The following TRIM2 variants were observed in gnomAD, a reference collection of about 807,000 sequenced individuals.
TRIM2 encodes the protein tripartite motif-containing protein 2.
A neutral mutation model predicts 75.2 loss-of-function variants in TRIM2; 20 were observed. The ratio of observed to expected loss-of-function variants is 0.27; its 90% CI spans 0.19 to 0.39. The LOEUF is 0.39. Ranked by LOEUF, TRIM2 falls within the 10% of genes least tolerant of loss-of-function variation. The pLI, the probability that TRIM2 is intolerant of heterozygous loss-of-function variation, is 1.00. For missense variants in TRIM2, 660 were observed against 990.8 expected (o/e 0.67, Z 4.48); for synonymous variants, 373 against 388.3 (o/e 0.96, Z 0.46).
chr4:153,206,627 G>A (rs574532793), intron 1 of TRIM2, among the ~76,000 whole-genome samples: 51 of 152,194 alleles, frequency 3.4e-4, no homozygotes, highest in African/African-American at 1.2e-3. Flanking sequence ...ACAAAGGCAT[G>A]ATTGATCAAA....
At chr4:153,152,234 A>G (rs1728795377), upstream of TRIM2, 2 of 152,006 alleles carry the variant, frequency 1.3e-5, no homozygotes, top group African/African-American at 4.8e-5. Flanking sequence ...GTCTGGAGGG[A>G]GAACAGGCTC....
intron 1 of TRIM2, among the ~76,000 whole-genome samples, chr4:153,235,373 C>T (rs1044656553): frequency 2.6e-5 from 4 of 152,036 alleles, no homozygotes; most frequent in African/African-American, 9.7e-5. Flanking sequence ...CAGCCTTGAC[C>T]TCCCGAGCTC....
At chr4:153,315,704 T>C (rs781571092) in intron 7 of TRIM2, 116 bp downstream of exon 7, 52 of 1,451,298 alleles carry the variant, frequency 3.6e-5, no homozygotes, top group Non-Finnish European at 4.5e-5. Context: ...CTTATGTTTA[T>C]GTAGACTTTT....
chr4:153,302,071 G>A lies in TRIM2; in HGVS notation c.1510+6035G>A, dbSNP rs76314572. ...CATTTTAGATCACTTGGGGGTATGG[G>A]CATTTTATTAATATTCTTCCAATCT... On this transcript the variant is annotated intron_variant, in intron 6 of 11. Transcript: ENST00000338700. Among the ~76,000 whole-genome samples the A allele has an allele frequency of 5.2e-3, 788 of 152,132 alleles. 11 individuals are homozygous for A. The highest frequency in any genetic ancestry group is 0.018 in the African/African-American group (753 of 41,500).
chr4:153,158,659 T>C (rs1407554715), intron 1 of TRIM2, among the ~76,000 whole-genome samples: 4 of 151,372 alleles, frequency 2.6e-5, no homozygotes, highest in Non-Finnish European at 1.5e-5. Flanking sequence ...TCAGGTGGAG[T>C]GCTAGACTGG....
chr4:153,338,372 G>A lies in TRIM2; in HGVS notation c.*3406G>A, dbSNP rs1396060845. 1 of 985,636 alleles carries A rather than the reference G, an allele frequency of 1.0e-6. No individual in the cohort carries two copies. Among genetic ancestry groups the A allele is most frequent in the Non-Finnish European group, 1.2e-6 (1 of 829,914 alleles). The allele number at this position is 985,636 out of a possible 1,614,324, so 61.1% of individuals were successfully genotyped here. A position where few individuals can be genotyped will look rare whatever the true frequency, so the allele number is the denominator to read the frequency against. ...CTCTATTCACTAGCTTCTGAAAAGG[G>A]AGGAGTATTTTTAGTTTGACAATTT... On this transcript the variant is annotated 3_prime_UTR_variant, in exon 12 of 12. Coordinates refer to ENST00000338700, the MANE Select transcript of TRIM2 (RefSeq NM_015271.5).
rs146300875 is a variant in TRIM2, at chr4:153,208,010, C to T, written c.30+3450C>T. On this transcript the variant is annotated intron_variant, in intron 1 of 11. Coordinates refer to ENST00000338700, the MANE Select transcript of TRIM2 (RefSeq NM_015271.5). Reference sequence around the variant, plus strand: ...TCTTGTGTGTGGTTTGAAAAGTTCACTTCTGGCCAGGTGCAGTGGTGAACC... The same window carrying T: ...TCTTGTGTGTGGTTTGAAAAGTTCATTTCTGGCCAGGTGCAGTGGTGAACC... 2.6e-5 allele frequency among the ~76,000 whole-genome samples: 4 copies of T among 152,314 alleles called. No homozygotes were observed. In the South Asian group the frequency reaches 8.3e-4, roughly 32 times the overall value.
intron 1 of TRIM2, among the ~76,000 whole-genome samples, chr4:153,171,428 A>G (rs774163241): frequency 3.9e-5 from 6 of 152,110 alleles, no homozygotes; most frequent in Admixed American, 6.5e-5. Flanking sequence ...TCCACTAAAA[A>G]TACAAAAATT....
At chr4:153,227,903 C>T (rs1742584452) in intron 1 of TRIM2, among the ~76,000 whole-genome samples, 1 of 152,188 alleles carries the variant, frequency 6.6e-6, no homozygotes, top group South Asian at 2.1e-4. Context: ...TGAACAATCT[C>T]CTTGCAGATA....
chr4:153,203,394 TACACACACACAC>T (rs35049904), upstream of TRIM2, among the ~76,000 whole-genome samples: 3,313 of 141,370 alleles, frequency 0.023, 115 homozygotes, highest in African/African-American at 0.08. Flanking sequence ...CCCACATCTC[TACACACACACAC>T]ACACACACAC....
At chr4:153,251,760 C>T (rs1750922692) in intron 1 of TRIM2, among the ~76,000 whole-genome samples, 1 of 152,144 alleles carries the variant, frequency 6.6e-6, no homozygotes, top group South Asian at 2.1e-4. Context: ...GGGCATATCA[C>T]TTGAGCCCAG....
At chr4:153,301,155 C>T (rs1763827176) in intron 6 of TRIM2, among the ~76,000 whole-genome samples, 2 of 151,202 alleles carry the variant, frequency 1.3e-5, no homozygotes, top group South Asian at 4.2e-4. Flanking sequence ...CGCGCCACTA[C>T]ATTCCAGCCT....
chr4:153,242,264 G>A (rs868401942), intron 1 of TRIM2, among the ~76,000 whole-genome samples: 9 of 151,774 alleles, frequency 5.9e-5, no homozygotes, highest in African/African-American at 1.2e-4. Context: ...GAGGATATGC[G>A]GATTCTTAAC....
intron 3 of TRIM2, among the ~76,000 whole-genome samples, chr4:153,289,559 C>T (rs80134695): frequency 0.012 from 1,815 of 152,190 alleles, 33 homozygotes; most frequent in African/African-American, 0.041. Flanking sequence ...ACATTTTTCG[C>T]GACTCTATAT....
At chr4:153,284,925 C>T (rs1047258172) in intron 3 of TRIM2, among the ~76,000 whole-genome samples, 4 of 152,008 alleles carry the variant, frequency 2.6e-5, no homozygotes, top group African/African-American at 9.7e-5. Context: ...TCCTTTGATT[C>T]AAAAATACTT....
intron 1 of TRIM2, among the ~76,000 whole-genome samples, chr4:153,235,400 T>C (rs573865752): frequency 1.3e-3 from 199 of 152,118 alleles, no homozygotes; most frequent in African/African-American, 4.7e-3. Flanking sequence ...TTCTCCTGCC[T>C]CAGCCTCCCA....
chr4:153,316,274 C>A (rs748406125), intron 8 of TRIM2, among the ~76,000 whole-genome samples: 145 of 152,132 alleles, frequency 9.5e-4, no homozygotes, highest in Non-Finnish European at 1.6e-3. Flanking sequence ...GAAACTGGTC[C>A]TGTTACCTCA....
intron 1 of TRIM2, among the ~76,000 whole-genome samples, chr4:153,193,974 C>T (rs578068957): frequency 1.3e-5 from 2 of 152,248 alleles, no homozygotes; most frequent in South Asian, 4.2e-4. Flanking sequence ...GAAGCACAGG[C>T]ACTAGGAGAG....
chr4:153,181,023 T>C (rs1732005817), intron 1 of TRIM2, among the ~76,000 whole-genome samples: 1 of 152,120 alleles, frequency 6.6e-6, no homozygotes, highest in Non-Finnish European at 1.5e-5. Flanking sequence ...ACCTTGCATA[T>C]AGAAAAGTGA....
Sources: gnomAD v4.1 joint callset for allele counts (sites outside exome capture counted in the v4.1 genomes callset) on GRCh38, gnomAD v4.1.1 for gene constraint, MANE v1.5 for transcripts, NCBI Gene and HGNC (gene_info 2026-07-23, HGNC 2026-07-21) for gene names.